The following SLC39A9 variants were observed in gnomAD, a reference collection of about 807,000 sequenced individuals.
The protein encoded by SLC39A9 is zinc transporter ZIP9.
A neutral mutation model predicts 28.4 loss-of-function variants in SLC39A9; 14 were observed. That is an observed-to-expected ratio of 0.49 (90% CI 0.33 to 0.77). The LOEUF (loss-of-function observed/expected upper bound fraction) is 0.77. Ranked by LOEUF, SLC39A9 falls within the 30% of genes least tolerant of loss-of-function variation. SLC39A9 has a pLI of 0.02. For synonymous variants in SLC39A9, 119 were observed against 149.6 expected (o/e 0.80, Z 1.49); for missense variants, 283 against 381.1 (o/e 0.74, Z 2.14).
At chr14:69,441,517 A>G (rs1594938982) in intron 2 of SLC39A9, among the ~76,000 whole-genome samples, 1 of 152,188 alleles carries the variant, frequency 6.6e-6, no homozygotes, top group Non-Finnish European at 1.5e-5. Context: ...AGACTGAAGG[A>G]TGTGCCTCTT....
intron 2 of SLC39A9, among the ~76,000 whole-genome samples, chr14:69,440,700 A>G (rs1053226461): frequency 6.6e-6 from 1 of 152,106 alleles, no homozygotes; most frequent in Non-Finnish European, 1.5e-5. Flanking sequence ...TTTGAGACAG[A>G]GTCTCCCTCT....
In SLC39A9 at chr14:69,461,125, T is replaced by G. The variant is rs1036794460; in HGVS notation, c.*2532T>G. 2.0e-6 allele frequency: 2 copies of G among 986,814 alleles called. No individual in the cohort carries two copies. The highest frequency in any genetic ancestry group is 3.5e-5 in the African/African-American group (2 of 57,246). The allele number at this position is 986,814 out of a possible 1,614,324, so 61.1% of individuals were successfully genotyped here. A position where few individuals can be genotyped will look rare whatever the true frequency, so the allele number is the denominator to read the frequency against. The stretch of plus-strand genomic sequence containing the variant: ...ATTGGCAATACTTAAGTTGCTGCCA[T>G]GATTACAGATGGAATTATTGGCTAC... On this transcript the variant is annotated 3_prime_UTR_variant, in exon 7 of 7. Transcript: ENST00000336643.
chr14:69,414,514 A>G (rs1883462124), intron 1 of SLC39A9, among the ~76,000 whole-genome samples: 1 of 152,234 alleles, frequency 6.6e-6, no homozygotes, highest in East Asian at 1.9e-4. Flanking sequence ...TTCGAATTAG[A>G]TCTCTGACCT....
At chr14:69,410,957 A>G (rs1405306927) in intron 1 of SLC39A9, among the ~76,000 whole-genome samples, 1 of 152,154 alleles carries the variant, frequency 6.6e-6, no homozygotes, top group Non-Finnish European at 1.5e-5. Context: ...CATGCCTGTA[A>G]TCCCAGTACT....
In SLC39A9 at chr14:69,460,853, C is replaced by A. The variant is rs1330399531; in HGVS notation, c.*2260C>A. 2 of 985,462 alleles carry A rather than the reference C, an allele frequency of 2.0e-6. No homozygotes were observed. Among genetic ancestry groups the A allele is most frequent in the South Asian group, 9.4e-5 (2 of 21,292 alleles). 61.0% of individuals were successfully genotyped at this position (985,462 alleles called of 1,614,324 possible). ...TGCCTCGAGAACTACTCATTTCTCTCCTGGTCAGCAGACAGAAATAGCCAT... is the reference window on the plus strand; with the variant it reads ...TGCCTCGAGAACTACTCATTTCTCTACTGGTCAGCAGACAGAAATAGCCAT... On this transcript the variant is annotated 3_prime_UTR_variant, in exon 7 of 7. Transcript: ENST00000336643.
At chr14:69,416,242 A>G (rs868819205) in intron 1 of SLC39A9, among the ~76,000 whole-genome samples, 4 of 151,982 alleles carry the variant, frequency 2.6e-5, no homozygotes, top group Admixed American at 1.3e-4. Context: ...TGTCTTTCCG[A>G]TAGTTTGCTC....
chr14:69,419,090 G>A (rs1318279291), intron 1 of SLC39A9, among the ~76,000 whole-genome samples: 1 of 152,022 alleles, frequency 6.6e-6, no homozygotes, highest in Non-Finnish European at 1.5e-5. Flanking sequence ...CTTTTGTGAT[G>A]TTAGGGTGTC....
intron 2 of SLC39A9, among the ~76,000 whole-genome samples, chr14:69,427,295 T>TA (rs1884251106): frequency 6.6e-6 from 1 of 152,168 alleles, no homozygotes; most frequent in South Asian, 2.1e-4. Context: ...TGAGCCACTG[T>TA]ACCCAGCCAG....
At chr14:69,438,324 C>A (rs778313817) in intron 2 of SLC39A9, among the ~76,000 whole-genome samples, 1 of 152,130 alleles carries the variant, frequency 6.6e-6, no homozygotes, top group Non-Finnish European at 1.5e-5. Context: ...CCTGACCCCC[C>A]TCTTTCTTTA....
chr14:69,447,785 C>T (rs1056646233), intron 3 of SLC39A9, among the ~76,000 whole-genome samples: 3 of 151,720 alleles, frequency 2.0e-5, no homozygotes, highest in Admixed American at 6.6e-5. Context: ...TGGTGACCTG[C>T]GCTTGTACTC....
intron 4 of SLC39A9, 113 bp from the exon 5 acceptor site, chr14:69,454,699 G>A (rs1163603672): frequency 1.2e-5 from 9 of 743,630 alleles, no homozygotes; most frequent in Non-Finnish European, 2.0e-5. Flanking sequence ...GAAAGGTTAA[G>A]TAACATTACT....
intron 3 of SLC39A9, among the ~76,000 whole-genome samples, chr14:69,449,332 A>G (rs1163462424): frequency 2.6e-5 from 4 of 152,156 alleles, no homozygotes; most frequent in Admixed American, 6.6e-5. Context: ...GTCAGTTTCA[A>G]TTTAACGTAG....
chr14:69,414,992 T>C (rs1883492183), intron 1 of SLC39A9, among the ~76,000 whole-genome samples: 1 of 152,264 alleles, frequency 6.6e-6, no homozygotes, highest in African/African-American at 2.4e-5. Context: ...AGCCGCAGTT[T>C]ATTCCTTTTT....
intron 1 of SLC39A9, among the ~76,000 whole-genome samples, chr14:69,418,522 A>T (rs542318530): frequency 6.6e-6 from 1 of 152,008 alleles, no homozygotes; most frequent in Non-Finnish European, 1.5e-5. Flanking sequence ...CTCTTTTTCT[A>T]TTGATTGAAA....
chr14:69,406,579 T>C (rs917753776), intron 1 of SLC39A9, among the ~76,000 whole-genome samples: 1 of 151,642 alleles, frequency 6.6e-6, no homozygotes, highest in African/African-American at 2.4e-5. Flanking sequence ...TCCCAGCTAC[T>C]CGGGAGGCTG....
intron 2 of SLC39A9, among the ~76,000 whole-genome samples, chr14:69,439,688 A>G (rs922378505): frequency 6.6e-6 from 1 of 152,120 alleles, no homozygotes; most frequent in African/African-American, 2.4e-5. Flanking sequence ...TCCGTCATGC[A>G]CATATTGGTG....
At chr14:69,445,165 C>G (rs1275133617) in intron 3 of SLC39A9, among the ~76,000 whole-genome samples, 1 of 152,000 alleles carries the variant, frequency 6.6e-6, no homozygotes, top group Non-Finnish European at 1.5e-5. Context: ...TGAGTTTGAA[C>G]TGTGTGAGTC....
chr14:69,461,376 C>T lies in SLC39A9; in HGVS notation c.*2783C>T, dbSNP rs367884794. ...TCCATTTCAAGAAAGCAGTGATGTT[C>T]CAGGTTTGATTCAGTTTTCCTGTGC... On this transcript the variant is annotated 3_prime_UTR_variant, in exon 7 of 7. Transcript: ENST00000336643. 3.5e-6 allele frequency: 4 copies of T among 1,156,298 alleles called. No homozygotes were observed. Among genetic ancestry groups the T allele is most frequent in the Non-Finnish European group, 3.2e-6 (3 of 931,968 alleles). 71.6% of individuals were successfully genotyped at this position (1,156,298 alleles called of 1,614,324 possible).
intron 1 of SLC39A9, among the ~76,000 whole-genome samples, chr14:69,417,768 T>C (rs544568548): frequency 1.3e-5 from 2 of 152,330 alleles, no homozygotes; most frequent in East Asian, 3.9e-4. Context: ...GATTTGGCTC[T>C]CTGCTTGTTA....
Sources: allele counts gnomAD v4.1 joint callset (sites outside exome capture counted in the v4.1 genomes callset), GRCh38; gene constraint gnomAD v4.1.1; transcripts MANE v1.5; gene names NCBI Gene and HGNC (gene_info 2026-07-23, HGNC 2026-07-21).